Variants in KCTD8 observed in about 807,000 individuals in gnomAD.
KCTD8 encodes the protein potassium channel tetramerization domain containing 8, also known as BTB/POZ domain-containing protein KCTD8.
KCTD8 carries 27 observed loss-of-function variants against 31.5 expected under a neutral mutation model. The ratio of observed to expected loss-of-function variants is 0.86; its 90% CI spans 0.63 to 1.18. The LOEUF (loss-of-function observed/expected upper bound fraction) is 1.18, where lower values mean the gene tolerates loss of function less well. Ranked by LOEUF, KCTD8 falls within the 50% of genes most tolerant of loss-of-function variation. The pLI, the probability that KCTD8 is intolerant of heterozygous loss-of-function variation, is 0.00. For missense variants in KCTD8, 658 were observed against 647.7 expected (o/e 1.02, Z -0.17); for synonymous variants, 290 against 280.0 (o/e 1.04, Z -0.36).
chr4:44,447,496 G>T, intron 1 of KCTD8, 67 bp downstream of exon 1: 2 of 1,448,980 alleles, frequency 1.4e-6, no homozygotes, highest in Admixed American at 5.2e-5. Flanking sequence ...CCTCCAGCGG[G>T]GCTCAAACTG....
chr4:44,376,794 G>T (rs1196494855), intron 1 of KCTD8, among the ~76,000 whole-genome samples: 1 of 152,170 alleles, frequency 6.6e-6, no homozygotes, highest in East Asian at 1.9e-4. Flanking sequence ...ATCACTTTTG[G>T]TTTGGGTCTT....
chr4:44,448,223 G>C lies in KCTD8; in HGVS notation c.301C>G (p.Arg101Gly). 1.9e-6 allele frequency: 3 copies of C among 1,612,066 alleles called. No homozygotes were observed. The highest frequency in any genetic ancestry group is 2.7e-5 in the African/African-American group (2 of 74,992). ...ACGTACCTGAAAAGGAAGCCGTCCC[G>C]GTCGATGAAGAAGCGCGCCCGGCTG... ...RDSRARFFID[R>G]DGFLFRYVLD... Residue 101 changes from arginine (R) to glycine (G), a missense_variant, in exon 1 of 2, where the codon CGG becomes GGG. By Grantham distance (125) the Arg-to-Gly change is moderately radical. Transcript: ENST00000360029. The surrounding 1 kb of genome is among the most constrained non-coding windows in gnomAD (Gnocchi z 4.1).
intron 1 of KCTD8, among the ~76,000 whole-genome samples, chr4:44,394,362 A>C (rs1720444294): frequency 6.6e-6 from 1 of 152,082 alleles, no homozygotes; most frequent in Non-Finnish European, 1.5e-5. Flanking sequence ...TTGAGCTTCC[A>C]AATCCCATGA....
Position 44,192,683 on chromosome 4 carries a change from G to T in KCTD8, c.962-17433C>A, listed in dbSNP as rs571312954. Among the ~76,000 whole-genome samples the T allele has an allele frequency of 7.9e-5, 12 of 152,258 alleles. No homozygotes were observed. The South Asian group carries it at 2.3e-3, about 29-fold the overall frequency. On this transcript the variant is annotated intron_variant, in intron 1 of 1. Coordinates refer to ENST00000360029, the MANE Select transcript of KCTD8 (RefSeq NM_198353.3). ...GAATGCCAACTTGATTGGATTGAAGGATGTAAAGTATAGATCCTGGGTGTG... is the reference window on the plus strand; with the variant it reads ...GAATGCCAACTTGATTGGATTGAAGTATGTAAAGTATAGATCCTGGGTGTG...
intron 1 of KCTD8, among the ~76,000 whole-genome samples, chr4:44,259,851 T>G (rs1321926269): frequency 6.6e-6 from 1 of 151,900 alleles, no homozygotes; most frequent in East Asian, 1.9e-4. Flanking sequence ...TATTGGGTTT[T>G]TCATGATTTC....
At chr4:44,317,913 A>C (rs1409326581) in intron 1 of KCTD8, among the ~76,000 whole-genome samples, 1 of 152,212 alleles carries the variant, frequency 6.6e-6, no homozygotes, top group Non-Finnish European at 1.5e-5. Flanking sequence ...AAAAACTCCA[A>C]TTGCTAGATA....
At chr4:44,406,556 A>G (rs554838002) in intron 1 of KCTD8, among the ~76,000 whole-genome samples, 3 of 152,238 alleles carry the variant, frequency 2.0e-5, no homozygotes, top group African/African-American at 7.2e-5. Context: ...CTCCCCAGCC[A>G]TGTCGAAGTC....
chr4:44,304,432 A>C (rs927168725), intron 1 of KCTD8, among the ~76,000 whole-genome samples: 3 of 152,170 alleles, frequency 2.0e-5, no homozygotes, highest in Non-Finnish European at 2.9e-5. Flanking sequence ...TTGGATCAAA[A>C]CATTTTTTTG....
At chr4:44,379,422 T>C (rs948334749) in intron 1 of KCTD8, among the ~76,000 whole-genome samples, 9 of 152,192 alleles carry the variant, frequency 5.9e-5, no homozygotes, top group Non-Finnish European at 1.3e-4. Flanking sequence ...CTGAGACCTA[T>C]TATTAGGTTT....
intron 1 of KCTD8, among the ~76,000 whole-genome samples, chr4:44,344,290 T>A (rs1288613352): frequency 1.3e-5 from 2 of 151,992 alleles, no homozygotes; most frequent in African/African-American, 4.8e-5. Context: ...GCTCAAGTGA[T>A]CCTCCCACCT....
intron 1 of KCTD8, among the ~76,000 whole-genome samples, chr4:44,324,661 G>A (rs1040569315): frequency 4.6e-5 from 7 of 151,890 alleles, no homozygotes; most frequent in Non-Finnish European, 8.8e-5. Context: ...TGCCCCTGAG[G>A]CTGATGAATT....
chr4:44,199,813 CTGAA>C (rs977690989), intron 1 of KCTD8, among the ~76,000 whole-genome samples: 5 of 151,702 alleles, frequency 3.3e-5, no homozygotes, highest in African/African-American at 1.2e-4. Flanking sequence ...CAGAGAAGAA[CTGAA>C]TGAAACTGAG....
At chr4:44,410,247 C>T (rs558276713) in intron 1 of KCTD8, among the ~76,000 whole-genome samples, 9 of 152,142 alleles carry the variant, frequency 5.9e-5, no homozygotes, top group African/African-American at 2.2e-4. Flanking sequence ...TAAGTATGGC[C>T]CGCTTGTTTG....
intron 1 of KCTD8, among the ~76,000 whole-genome samples, chr4:44,329,110 T>C (rs1317018649): frequency 6.6e-6 from 1 of 151,876 alleles, no homozygotes; most frequent in Admixed American, 6.6e-5. Context: ...AAATATTACC[T>C]TAGGTCTTGA....
chr4:44,252,599 G>T lies in KCTD8; in HGVS notation c.962-77349C>A, dbSNP rs115570382. On this transcript the variant is annotated intron_variant, in intron 1 of 1. Coordinates refer to ENST00000360029, the MANE Select transcript of KCTD8 (RefSeq NM_198353.3). ...TCGCATCAAAAGCTTTTTTGTATGT[G>T]TTGAGAGGTTATTTCCTCTTTATTT... Among the ~76,000 whole-genome samples the T allele has an allele frequency of 8.6e-3, 1,309 of 151,688 alleles. 22 individuals carry two copies. Among genetic ancestry groups the T allele is most frequent in the African/African-American group, 0.029 (1,184 of 41,442 alleles).
At chr4:44,375,917 G>A (rs535256500) in intron 1 of KCTD8, among the ~76,000 whole-genome samples, 102 of 151,572 alleles carry the variant, frequency 6.7e-4, no homozygotes, top group African/African-American at 2.3e-3. Context: ...AACTCAGCAA[G>A]GGTTGGAGGA....
intron 1 of KCTD8, among the ~76,000 whole-genome samples, chr4:44,335,096 C>T (rs1428128803): frequency 6.6e-6 from 1 of 151,888 alleles, no homozygotes; most frequent in Admixed American, 6.6e-5. Flanking sequence ...TAGGTAGAAA[C>T]CACAAAGTTA....
At chr4:44,431,937 C>T (rs2109478182) in intron 1 of KCTD8, among the ~76,000 whole-genome samples, 1 of 151,690 alleles carries the variant, frequency 6.6e-6, no homozygotes, top group Non-Finnish European at 1.5e-5. Context: ...AGAGCATGGG[C>T]TTCCCTAGAC....
At chr4:44,255,775 G>T (rs1357167685) in intron 1 of KCTD8, among the ~76,000 whole-genome samples, 3 of 151,728 alleles carry the variant, frequency 2.0e-5, no homozygotes, top group African/African-American at 2.4e-5. Flanking sequence ...CATAATAGAA[G>T]AATAATGAAT....
Sources: allele counts gnomAD v4.1 joint callset (sites outside exome capture counted in the v4.1 genomes callset), GRCh38; gene constraint gnomAD v4.1.1; non-coding constraint Gnocchi (gnomAD v3.1); transcripts MANE v1.5; gene names NCBI Gene and HGNC (gene_info 2026-07-23, HGNC 2026-07-21).